Variants in GALNT13 observed in about 807,000 individuals in gnomAD.
GALNT13 encodes the protein UDP-GalNAc:polypeptide N-acetylgalactosaminyltransferase 13.
In GALNT13, 28 loss-of-function variants were observed where a neutral mutation model predicts 64.2. That is an observed-to-expected ratio of 0.44 (90% CI 0.32 to 0.60). The LOEUF is 0.60. Ranked by LOEUF, GALNT13 falls within the 20% of genes least tolerant of loss-of-function variation. The pLI is 0.05. For synonymous variants in GALNT13, 214 were observed against 224.6 expected (o/e 0.95, Z 0.42); for missense variants, 577 against 669.8 (o/e 0.86, Z 1.53).
chr2:154,140,297 T>C, intron 3 of GALNT13, 40 bp from the exon 4 acceptor site: 2 of 1,463,308 alleles, frequency 1.4e-6, no homozygotes, highest in Non-Finnish European at 1.9e-6. Context: ...TCATTATCTG[T>C]GTGTTTGTAT....
chr2:153,859,527 A>G, the GALNT13 span, among the ~76,000 whole-genome samples: 4 of 152,306 alleles, frequency 2.6e-5, no homozygotes, highest in Admixed American at 2.0e-4. Context: ...GTCTTAAAAT[A>G]TAACAAATTG....
intron 8 of GALNT13, among the ~76,000 whole-genome samples, chr2:154,265,815 A>G (rs376281028): frequency 6.6e-6 from 1 of 152,250 alleles, no homozygotes; most frequent in Non-Finnish European, 1.5e-5. Flanking sequence ...CATTACAAAA[A>G]TAGAAAACTA....
the GALNT13 span, among the ~76,000 whole-genome samples, chr2:153,220,131 T>C: frequency 6.6e-6 from 1 of 152,164 alleles, no homozygotes; most frequent in Non-Finnish European, 1.5e-5. Context: ...GTTAGCCAGG[T>C]AGTGGGCACT....
chr2:153,140,026 G>A, the GALNT13 span, among the ~76,000 whole-genome samples: 1 of 151,922 alleles, frequency 6.6e-6, no homozygotes, highest in Non-Finnish European at 1.5e-5. Context: ...GCCCTTAAAA[G>A]CAATAGGGTG....
At chr2:153,821,061 G>A in the GALNT13 span, among the ~76,000 whole-genome samples, 1 of 151,998 alleles carries the variant, frequency 6.6e-6, no homozygotes, top group South Asian at 2.1e-4. Flanking sequence ...TAAATTATAT[G>A]AACCCAACAT....
the GALNT13 span, among the ~76,000 whole-genome samples, chr2:153,426,493 C>T: frequency 1.1e-4 from 16 of 152,040 alleles, no homozygotes; most frequent in African/African-American, 3.9e-4. Flanking sequence ...TTAAACTAGT[C>T]TTGTAAGTCT....
chr2:154,209,115 TAAAAA>T (rs140894644), intron 4 of GALNT13, among the ~76,000 whole-genome samples: 1 of 150,674 alleles, frequency 6.6e-6, no homozygotes, highest in Admixed American at 6.6e-5. Flanking sequence ...ATATTTTTCT[TAAAAA>T]AAAAGGTGTT....
the GALNT13 span, among the ~76,000 whole-genome samples, chr2:153,656,339 TGCGC>T: frequency 7.1e-6 from 1 of 141,474 alleles, no homozygotes; most frequent in Non-Finnish European, 1.6e-5. Context: ...TGTGTGTGTG[TGCGC>T]GCGCACATAT....
chr2:153,776,270 A>G, the GALNT13 span, among the ~76,000 whole-genome samples: 1 of 152,330 alleles, frequency 6.6e-6, no homozygotes, highest in East Asian at 1.9e-4. Flanking sequence ...GTTTTAAAAA[A>G]CTAAGACACA....
intron 3 of GALNT13, among the ~76,000 whole-genome samples, chr2:154,092,488 C>G (rs1701865455): frequency 6.6e-6 from 1 of 151,982 alleles, no homozygotes; most frequent in East Asian, 1.9e-4. Context: ...AATGTGTACT[C>G]CATGTAGGCT....
the GALNT13 span, among the ~76,000 whole-genome samples, chr2:153,713,102 T>C: frequency 1.3e-5 from 2 of 152,214 alleles, no homozygotes; most frequent in African/African-American, 4.8e-5. Flanking sequence ...ACAAAGTATA[T>C]GGCAGATACG....
intron 2 of GALNT13, among the ~76,000 whole-genome samples, chr2:153,934,618 T>C (rs915485281): frequency 2.6e-5 from 4 of 152,156 alleles, no homozygotes; most frequent in Admixed American, 2.0e-4. Flanking sequence ...CGGATATCCA[T>C]TCTATGAAGA....
At chr2:153,758,785 G>T in the GALNT13 span, among the ~76,000 whole-genome samples, 2 of 152,046 alleles carry the variant, frequency 1.3e-5, no homozygotes, top group African/African-American at 2.4e-5. Flanking sequence ...TAGAGTCAGG[G>T]TTTAATATGT....
intron 1 of GALNT13, among the ~76,000 whole-genome samples, chr2:153,894,386 T>C (rs1000651590): frequency 5.3e-5 from 8 of 152,058 alleles, no homozygotes; most frequent in Admixed American, 1.3e-4. Flanking sequence ...CGCAGTGATA[T>C]AAATTGGCTG....
the GALNT13 span, among the ~76,000 whole-genome samples, chr2:153,413,789 C>T: frequency 6.6e-6 from 1 of 152,166 alleles, no homozygotes; most frequent in Non-Finnish European, 1.5e-5. Context: ...ATTTGGCTAA[C>T]ATAACTTATA....
At chr2:154,163,059 G>A (rs1272542123) in intron 4 of GALNT13, among the ~76,000 whole-genome samples, 4 of 150,524 alleles carry the variant, frequency 2.7e-5, no homozygotes, top group East Asian at 3.9e-4. Context: ...GTATACATGT[G>A]CCATGTTGGT....
At chr2:153,686,034 C>A in the GALNT13 span, among the ~76,000 whole-genome samples, 6 of 151,856 alleles carry the variant, frequency 4.0e-5, no homozygotes, top group Admixed American at 6.6e-5. Flanking sequence ...CACGCTGTTT[C>A]AGTTACTGTA....
rs1696661066 is a variant in GALNT13, at chr2:154,011,859, T to C, written c.142+67220T>C. Reference sequence around the variant, plus strand: ...TGATCATTCTTGGTCTAATGTTTGTTTTGTCTTAAATTAGAATAGCAACTT... The same window carrying C: ...TGATCATTCTTGGTCTAATGTTTGTCTTGTCTTAAATTAGAATAGCAACTT... On this transcript the variant is annotated intron_variant, in intron 3 of 12. Coordinates refer to ENST00000392825, the MANE Select transcript of GALNT13 (RefSeq NM_052917.4). 3.3e-5 allele frequency among the ~76,000 whole-genome samples: 5 copies of C among 152,212 alleles called. No individual in the cohort carries two copies. The South Asian group carries it at 1.0e-3, about 31-fold the overall frequency.
At chr2:153,580,283 A>G in the GALNT13 span, among the ~76,000 whole-genome samples, 2 of 152,092 alleles carry the variant, frequency 1.3e-5, no homozygotes, top group South Asian at 4.1e-4. Flanking sequence ...TTTCATGGTT[A>G]TAGAGCAATT....
Sources: gnomAD v4.1 joint callset for allele counts (sites outside exome capture counted in the v4.1 genomes callset) on GRCh38, gnomAD v4.1.1 for gene constraint, MANE v1.5 for transcripts, NCBI Gene and HGNC (gene_info 2026-07-23, HGNC 2026-07-21) for gene names.